RBPJL: variants seen among roughly 807,000 people sequenced by gnomAD.
RBPJL encodes the protein recombination signal binding protein for immunoglobulin kappa J region like, also known as recombining binding protein suppressor of hairless-like protein.
In RBPJL, 50 loss-of-function variants were observed where a neutral mutation model predicts 57.6. The ratio of observed to expected loss-of-function variants is 0.87; its 90% confidence interval spans 0.69 to 1.10. The LOEUF is 1.10. Among genes scored for constraint, RBPJL ranks in the 50% least tolerant of loss-of-function variants. The probability of loss-of-function intolerance (pLI) is 0.00; values close to 1 mark genes in which losing one functional copy is unlikely to be tolerated. For missense variants in RBPJL, 684 were observed against 693.7 expected (o/e 0.99, Z 0.16); for synonymous variants, 303 against 294.4 (o/e 1.03, Z -0.30).
In RBPJL at chr20:45,317,052, C is replaced by A; in HGVS notation, c.*93C>A. The A allele has an allele frequency of 1.4e-6, 2 of 1,451,266 alleles. No individual in the cohort carries two copies. The highest frequency in any genetic ancestry group is 1.8e-6 in the Non-Finnish European group (2 of 1,081,146). 89.9% of individuals were successfully genotyped at this position (1,451,266 alleles called of 1,614,324 possible). A position where few individuals can be genotyped will look rare whatever the true frequency, so the allele number is the denominator to read the frequency against. On this transcript the variant is annotated 3_prime_UTR_variant, in exon 12 of 12. Coordinates refer to ENST00000343694, the MANE Select transcript of RBPJL (RefSeq NM_014276.4). ...CTGGGTTCTAGGCCCTGCTTCCTTG[C>A]CCCTTTGCTGCAGAAGGGCAGCTGA... is the stretch of plus-strand genomic sequence containing the variant.
Position 45,314,061 on chromosome 20 carries a change from T to C in RBPJL, c.784T>C (p.Phe262Leu). The C allele has an allele frequency of 6.2e-7, 1 of 1,614,190 alleles. No individual in the cohort carries two copies. Among genetic ancestry groups the C allele is most frequent in the South Asian group, 1.1e-5 (1 of 91,084 alleles). The change falls in exon 8 of 12, where the codon TTC (phenylalanine) becomes CTC (leucine). Residue 262 changes from phenylalanine (F) to leucine (L), a missense_variant. Phe to Leu is a conservative substitution (Grantham distance 22). Transcript: ENST00000343694. The part of the protein sequence containing the change: ...LADGHSAQGD[F>L]PPREGYVRYG... ...TGATGGGCACTCTGCCCAAGGAGAC[T>C]TCCCACCGCGAGAGGGCTACGTTCG...
intron 3 of RBPJL, among the ~76,000 whole-genome samples, chr20:45,310,329 G>A (rs966453763): frequency 8.5e-5 from 13 of 152,096 alleles, no homozygotes; most frequent in African/African-American, 1.2e-4. Flanking sequence ...CAGAAGGGCC[G>A]GGCGCGATGG....
chr20:45,309,599 G>A lies in RBPJL; in HGVS notation c.164G>A (p.Gly55Glu), dbSNP rs1448551788. The change falls in exon 3 of 12, where the codon GGA becomes GAA. Residue 55 changes from glycine to glutamate, a missense_variant. Gly to Glu is a moderately conservative substitution (Grantham distance 98). Coordinates refer to ENST00000343694, the MANE Select transcript of RBPJL (RefSeq NM_014276.4). ...CCAGAGCACACCACCATTCTGAGGG[G>A]AGGCGTGCGCAGGTGCCTGCAGCAA... The part of the protein sequence containing the change: ...SSPEHTTILR[G>E]GVRRCLQQQC... 15 of 1,612,976 alleles carry A rather than the reference G, an allele frequency of 9.3e-6. No individual in the cohort carries two copies. The highest frequency in any genetic ancestry group is 1.3e-5 in the Non-Finnish European group (15 of 1,179,554).
chr20:45,308,090 G>A (rs1025108631), intron 1 of RBPJL, 53 bp from the exon 2 acceptor site: 23 of 1,304,856 alleles, frequency 1.8e-5, no homozygotes, highest in East Asian at 2.3e-5. Context: ...CCTAGGCAGC[G>A]TCTCTGCTAA....
chr20:45,310,238 A>T (rs1165739942), intron 3 of RBPJL, among the ~76,000 whole-genome samples: 3 of 152,232 alleles, frequency 2.0e-5, no homozygotes, highest in Non-Finnish European at 4.4e-5. Flanking sequence ...TTTGGGAGGT[A>T]ACATTGGAAC....
chr20:45,316,706 G>T lies in RBPJL; in HGVS notation c.1301G>T (p.Cys434Phe), dbSNP rs1568896811. ...TMYRSPRSLV[C>F]VVPDVAAFCS... is the part of the protein sequence containing the mutation. ...CCCAGGAGCCCGCGGTCCCTGGTGT[G>T]CGTGGTGCCGGACGTGGCGGCCTTC... The change falls in exon 12 of 12, where the codon TGC becomes TTC. Residue 434 changes from cysteine (C) to phenylalanine (F), a missense_variant. Cys to Phe is a radical substitution (Grantham distance 205, BLOSUM62 -2). Coordinates refer to ENST00000343694, the MANE Select transcript of RBPJL (RefSeq NM_014276.4). The T allele has an allele frequency of 1.2e-6, 2 of 1,609,354 alleles. No homozygotes were observed. Among genetic ancestry groups the T allele is most frequent in the East Asian group, 4.5e-5 (2 of 44,650 alleles).
chr20:45,313,497 C>G lies in RBPJL; in HGVS notation c.649C>G (p.Leu217Val). ...LCISSGSKVS[L>V]FNRLRSQTVS... ...CATATCCTCCGGCTCAAAGGTCTCC[C>G]TCTTCAACCGCCTGCGCTCTCAGAC... The change falls in exon 7 of 12, where the codon CTC becomes GTC. Residue 217 changes from leucine (L) to valine (V), a missense_variant. Physicochemically the swap from Leu to Val is conservative, Grantham distance 32 (BLOSUM62 1). Coordinates refer to ENST00000343694, the MANE Select transcript of RBPJL (RefSeq NM_014276.4). The G allele has an allele frequency of 6.2e-7, 1 of 1,613,704 alleles. No individual in the cohort carries two copies. The highest frequency in any genetic ancestry group is 8.5e-7 in the Non-Finnish European group (1 of 1,179,870).
chr20:45,309,464 AC>A, intron 2 of RBPJL, 102 bp from the exon 3 acceptor site: 1 of 1,299,166 alleles, frequency 7.7e-7, no homozygotes, highest in Non-Finnish European at 1.0e-6. Flanking sequence ...ACTCACTCTA[AC>A]CCCCTGCTCA....
At position 45,313,372 on chromosome 20, in the gene RBPJL, CACCCTA is replaced by C. The variant is rs1488435670; in HGVS notation, c.620-85_620-80del. On this transcript the variant is annotated intron_variant, in intron 6 of 11. Transcript: ENST00000343694. ...TAACCCTCACCCTCACCCTAACCCT[CACCCTA>C]ACCCTAACCCCAATCCTAACCCTAA... 3.8e-5 allele frequency: 38 copies of C among 991,550 alleles called. No individual in the cohort carries two copies. The South Asian group carries it at 4.5e-4, about 12-fold the overall frequency. 61.4% of individuals were successfully genotyped at this position (991,550 alleles called of 1,614,324 possible).
rs771226617 is a variant in RBPJL at position 45,314,519 on chromosome 20, G to C, written c.974G>C (p.Gly325Ala). 1 of 1,614,208 alleles carries C rather than the reference G, an allele frequency of 6.2e-7. No individual in the cohort carries two copies. Among genetic ancestry groups the C allele is most frequent in the Admixed American group, 1.7e-5 (1 of 60,030 alleles). The change falls in exon 9 of 12, where the codon GGT (glycine) becomes GCT (alanine). Residue 325 changes from glycine to alanine, a missense_variant. Gly to Ala is a moderately conservative substitution (Grantham distance 60). Transcript: ENST00000343694. ...TTTCCAGGCAGTCCCCCAGGAGGGG[G>C]TGGCACCTACTTATGCCTTGCCACA... ...FQFPGSPPGGGGTYLCLATEK... is the reference protein window; with the variant it reads ...FQFPGSPPGGAGTYLCLATEK...
chr20:45,315,877 GAAAGAAAGAA>G (rs1987435281), intron 9 of RBPJL: 8 of 294,486 alleles, frequency 2.7e-5, no homozygotes, highest in Non-Finnish European at 4.8e-5. Flanking sequence ...AGGAAGGAAG[GAAAGAAAGAA>G]AAAGAAAGAA....
At position 45,316,549 on chromosome 20, in the gene RBPJL, T is replaced by C. The variant is rs1987477833; in HGVS notation, c.1249T>C (p.Phe417Leu). The change falls in exon 11 of 12, where the codon TTT (phenylalanine) becomes CTT (leucine). Residue 417 changes from phenylalanine to leucine, a missense_variant. Coordinates refer to ENST00000343694, the MANE Select transcript of RBPJL (RefSeq NM_014276.4). ...ENFHAGLKVW[F>L]GDVEAETMYR... ...CTTCCACGCGGGGCTCAAGGTGTGG[T>C]TTGGGGACGTGGAGGCAGAAACCAT... The C allele has an allele frequency of 1.3e-6, 2 of 1,536,520 alleles. No individual in the cohort carries two copies. Among genetic ancestry groups the C allele is most frequent in the South Asian group, 1.2e-5 (1 of 82,174 alleles).
At chr20:45,312,143 T>C in intron 5 of RBPJL, 78 bp from the exon 6 acceptor site, 1 of 1,601,870 alleles carries the variant, frequency 6.2e-7, no homozygotes, top group South Asian at 1.1e-5. Flanking sequence ...GGGGCGGACG[T>C]CCGATATCTG....
chr20:45,316,408 G>A, intron 10 of RBPJL, 66 bp downstream of exon 10: 1 of 1,593,366 alleles, frequency 6.3e-7, no homozygotes, highest in Non-Finnish European at 8.6e-7. Flanking sequence ...GGTGGTGCTA[G>A]TGAGTGGGGG....
At chr20:45,309,759 C>T (rs1354009048) in intron 3 of RBPJL, 67 bp downstream of exon 3, 4 of 1,592,548 alleles carry the variant, frequency 2.5e-6, no homozygotes, top group Non-Finnish European at 3.4e-6. Context: ...CTCCATCCAC[C>T]CATTGGGCCT....
intron 3 of RBPJL, among the ~76,000 whole-genome samples, chr20:45,310,417 G>C (rs1250792455): frequency 2.0e-5 from 3 of 152,070 alleles, no homozygotes; most frequent in African/African-American, 7.2e-5. Flanking sequence ...GACCAGCCTG[G>C]CCAATACAGT....
chr20:45,311,796 G>A (rs1418189760), intron 4 of RBPJL, 43 bp from the exon 5 acceptor site: 17 of 1,529,296 alleles, frequency 1.1e-5, no homozygotes, highest in Non-Finnish European at 1.5e-5. Context: ...TGGCACCTGC[G>A]TCCTCCCGAG....
In RBPJL at chr20:45,314,573, G is replaced by A; in HGVS notation, c.1020+8G>A. 2 of 1,611,358 alleles carry A rather than the reference G, an allele frequency of 1.2e-6. No homozygotes were observed. Among genetic ancestry groups the A allele is most frequent in the South Asian group, 1.1e-5 (1 of 90,830 alleles). ...AAGGTGGTGCAATTTCAGGTAAGAA[G>A]CAGAGAATACCAGCACCAAGTGTCC... On this transcript the variant is annotated splice_region_variant and intron_variant, in intron 9 of 11. Transcript: ENST00000343694.
chr20:45,314,357 GC>G, intron 8 of RBPJL, 55 bp from the exon 9 acceptor site: 1 of 1,579,554 alleles, frequency 6.3e-7, no homozygotes, highest in South Asian at 1.1e-5. Flanking sequence ...TAGGAGGGCA[GC>G]CTCTGGACGC....
Sources: gnomAD v4.1 joint callset for allele counts (sites outside exome capture counted in the v4.1 genomes callset) on GRCh38, gnomAD v4.1.1 for gene constraint, MANE v1.5 for transcripts, NCBI Gene and HGNC (gene_info 2026-07-23, HGNC 2026-07-21) for gene names.